Variants in TEX48 observed in about 807,000 individuals in gnomAD.
The protein encoded by TEX48 is testis-expressed protein 48.
In TEX48, 10 loss-of-function variants were observed where a neutral mutation model predicts 13.2. The observed-to-expected ratio is 0.75, with a 90% confidence interval of 0.47 to 1.28. The LOEUF (loss-of-function observed/expected upper bound fraction) is 1.28, where lower values mean the gene tolerates loss of function less well. TEX48 is among the 50% of genes most tolerant of loss of function. The pLI is 0.00. For missense variants in TEX48, 116 were observed against 139.4 expected (o/e 0.83, Z 0.84); for synonymous variants, 45 against 52.3 (o/e 0.86, Z 0.60).
Position 114,670,810 on chromosome 9 carries a change from A to AT in TEX48, c.127+572dup, listed in dbSNP as rs1294850612. 3.9e-5 allele frequency among the ~76,000 whole-genome samples: 6 copies of AT among 152,030 alleles called. 1 individual carries two copies. Among genetic ancestry groups the AT allele is most frequent in the Admixed American group, 3.9e-4 (6 of 15,254 alleles). On this transcript the variant is annotated intron_variant, in intron 3 of 4. Transcript: ENST00000436752. ...ACTCTATCCTGATCAATACCTATAT[A>AT]TTTTTTCTGCATGTTGAGTGCCTAC...
At chr9:114,674,225 C>T (rs1828007555) in intron 1 of TEX48, among the ~76,000 whole-genome samples, 1 of 152,132 alleles carries the variant, frequency 6.6e-6, no homozygotes, top group African/African-American at 2.4e-5. Flanking sequence ...TCCTTCTTCC[C>T]TCCTGTCCAC....
intron 3 of TEX48, 85 bp from the exon 4 acceptor site, chr9:114,668,422 G>C: frequency 1.6e-6 from 2 of 1,246,384 alleles, no homozygotes; most frequent in Non-Finnish European, 2.3e-6. Flanking sequence ...CTCTGAAGCA[G>C]CGCACACAGG....
At chr9:114,676,628 T>TG (rs1341283980) in intron 1 of TEX48, among the ~76,000 whole-genome samples, 2 of 151,476 alleles carry the variant, frequency 1.3e-5, no homozygotes, top group Non-Finnish European at 2.9e-5. Flanking sequence ...CACTTTTTTT[T>TG]TTTTTTGAGA....
chr9:114,668,448 A>G lies in TEX48; in HGVS notation c.128-111T>C, dbSNP rs901775616. The stretch of plus-strand genomic sequence containing the variant: ...CGCACACAGGCAAGTGGGGGTTATT[A>G]TGGGGTGGGGGTGTACCTGAAACTA... On this transcript the variant is annotated intron_variant, in intron 3 of 4. Transcript: ENST00000436752. The G allele has an allele frequency of 5.6e-6, 5 of 894,226 alleles. No individual in the cohort carries two copies. The African/African-American group carries it at 8.3e-5, about 15-fold the overall frequency. The allele number at this position is 894,226 out of a possible 1,614,324, so 55.4% of individuals were successfully genotyped here.
intron 1 of TEX48, among the ~76,000 whole-genome samples, chr9:114,680,121 C>A (rs4246904): frequency 4.5e-5 from 2 of 44,594 alleles, no homozygotes; most frequent in African/African-American, 2.0e-4. Flanking sequence ...GTCATTGTCC[C>A]TTTTTTTTTT....
chr9:114,681,091 G>C lies in TEX48; in HGVS notation c.-105+944C>G, dbSNP rs150083502. 6.5e-3 allele frequency among the ~76,000 whole-genome samples: 995 copies of C among 152,276 alleles called. 8 individuals are homozygous for C. The highest frequency in any genetic ancestry group is 0.023 in the African/African-American group (944 of 41,558). On this transcript the variant is annotated intron_variant, in intron 1 of 4. Coordinates refer to ENST00000436752, the MANE Select transcript of TEX48 (RefSeq NM_001199233.2). Reference sequence around the variant, plus strand: ...GCTTATGGATATACAAGAAAATGTAGTTATTCAAATTCTCTTTTTCTCTCT... The same window carrying C: ...GCTTATGGATATACAAGAAAATGTACTTATTCAAATTCTCTTTTTCTCTCT...
intron 1 of TEX48, among the ~76,000 whole-genome samples, chr9:114,675,294 A>G (rs1828040897): frequency 6.6e-6 from 1 of 152,172 alleles, no homozygotes; most frequent in Non-Finnish European, 1.5e-5. Flanking sequence ...CCTCATTCAC[A>G]TGCTAAGCTT....
At position 114,671,504 on chromosome 9, in the gene TEX48, T is replaced by C. The variant is rs1827945695; in HGVS notation, c.6A>G (p.Ala2=). 1 of 1,527,154 alleles carries C rather than the reference T, an allele frequency of 6.5e-7. No individual in the cohort carries two copies. The highest frequency in any genetic ancestry group is 8.7e-7 in the Non-Finnish European group (1 of 1,145,094). The allele number at this position is 1,527,154 out of a possible 1,614,324, so 94.6% of individuals were successfully genotyped here. A position where few individuals can be genotyped will look rare whatever the true frequency, so the allele number is the denominator to read the frequency against. The change falls in exon 3 of 5, where the codon GCA becomes GCG. Residue 2 remains alanine, a splice_region_variant and synonymous_variant. Coordinates refer to ENST00000436752, the MANE Select transcript of TEX48 (RefSeq NM_001199233.2). ...TCTTCAAGATCAGGTTTTGGTGGGC[T>C]GCTGTTGGAGGCAAAGGAATGAGGG... The part of the protein sequence containing the change: M[A]AHQNLILKIF...
In TEX48 at chr9:114,671,766, G is replaced by T; in HGVS notation, c.-43C>A. 6.5e-7 allele frequency: 1 copy of T among 1,535,222 alleles called. No individual in the cohort carries two copies. Among genetic ancestry groups the T allele is most frequent in the South Asian group, 1.2e-5 (1 of 84,036 alleles). On this transcript the variant is annotated 5_prime_UTR_variant, in exon 2 of 5. Transcript: ENST00000436752. ...TCTACTCTGCCAGCTTTGTCTGCAG[G>T]GGTGCCTTGTTGAATCAGCCAGTCT...
chr9:114,671,754 C>A lies in TEX48; in HGVS notation c.-31G>T. 6.5e-7 allele frequency: 1 copy of A among 1,535,612 alleles called. No individual in the cohort carries two copies. The highest frequency in any genetic ancestry group is 8.7e-7 in the Non-Finnish European group (1 of 1,146,824). On this transcript the variant is annotated 5_prime_UTR_variant, in exon 2 of 5. Transcript: ENST00000436752. ...GGAGTTGAAACTTCTACTCTGCCAG[C>A]TTTGTCTGCAGGGGTGCCTTGTTGA... is the stretch of plus-strand genomic sequence containing the variant.
chr9:114,674,430 G>A (rs1348859356), intron 1 of TEX48, among the ~76,000 whole-genome samples: 1 of 151,452 alleles, frequency 6.6e-6, no homozygotes, highest in Non-Finnish European at 1.5e-5. Context: ...ACCTTTTCTA[G>A]TGAGACTTTC....
chr9:114,670,765 T>C (rs1827932653), intron 3 of TEX48, among the ~76,000 whole-genome samples: 1 of 152,196 alleles, frequency 6.6e-6, no homozygotes, highest in Non-Finnish European at 1.5e-5. Flanking sequence ...CAAGGCTTAT[T>C]TGTTTCAGCA....
At chr9:114,678,505 C>A (rs1021179666) in intron 1 of TEX48, among the ~76,000 whole-genome samples, 1 of 152,130 alleles carries the variant, frequency 6.6e-6, no homozygotes, top group Non-Finnish European at 1.5e-5. Flanking sequence ...GGATTCTGTT[C>A]GTTACTTATT....
chr9:114,668,274 T>C lies in TEX48; in HGVS notation c.191A>G (p.His64Arg), dbSNP rs1287244743. The C allele has an allele frequency of 6.5e-7, 1 of 1,535,578 alleles. No individual in the cohort carries two copies. The highest frequency in any genetic ancestry group is 8.7e-7 in the Non-Finnish European group (1 of 1,146,838). ...GATCAGGGGTGTTCTCGAAGGCAAA[T>C]GGGAGACTGCGTTAATGCGCTTGGG... The part of the protein sequence containing the change: ...QNPKRINAVS[H>R]LPSRTPLIQT... Residue 64 changes from histidine to arginine, a missense_variant, in exon 4 of 5, where the codon CAT (histidine) becomes CGT (arginine). His to Arg is a conservative substitution (Grantham distance 29). Transcript: ENST00000436752.
intron 1 of TEX48, among the ~76,000 whole-genome samples, chr9:114,674,349 T>TTAA (rs1454424304): frequency 6.6e-6 from 1 of 152,096 alleles, no homozygotes; most frequent in Non-Finnish European, 1.5e-5. Context: ...TTTGTGCTTG[T>TTAA]TTTACTCTCT....
chr9:114,681,401 A>C (rs1018944556), intron 1 of TEX48, among the ~76,000 whole-genome samples: 3 of 152,210 alleles, frequency 2.0e-5, no homozygotes, highest in Non-Finnish European at 4.4e-5. Flanking sequence ...ATCAGTTACA[A>C]GCACATTCTC....
At chr9:114,678,852 A>T (rs1828129056) in intron 1 of TEX48, among the ~76,000 whole-genome samples, 1 of 151,980 alleles carries the variant, frequency 6.6e-6, no homozygotes, top group African/African-American at 2.4e-5. Context: ...AAAAAAAAAA[A>T]AAAAAAATTG....
chr9:114,673,208 C>G (rs1373768488), intron 1 of TEX48, among the ~76,000 whole-genome samples: 2 of 152,144 alleles, frequency 1.3e-5, no homozygotes, highest in African/African-American at 2.4e-5. Flanking sequence ...CGCGGTGGCT[C>G]ATGCCTGTAA....
intron 3 of TEX48, among the ~76,000 whole-genome samples, chr9:114,669,472 G>A (rs533409085): frequency 6.7e-5 from 10 of 149,944 alleles, no homozygotes; most frequent in Non-Finnish European, 1.0e-4. Flanking sequence ...ATAGAGTTTC[G>A]CTCTTGTTGC....
Sources: gnomAD v4.1 joint callset for allele counts (sites outside exome capture counted in the v4.1 genomes callset) on GRCh38, gnomAD v4.1.1 for gene constraint, MANE v1.5 for transcripts, NCBI Gene and HGNC (gene_info 2026-07-23, HGNC 2026-07-21) for gene names.